Variants in BICRA observed in about 807,000 individuals in gnomAD.
The protein encoded by BICRA is BRD4-interacting chromatin-remodeling complex-associated protein.
In BICRA, 31 loss-of-function variants were observed where a neutral mutation model predicts 96.9. The observed-to-expected ratio is 0.32, with a 90% CI of 0.24 to 0.43. The LOEUF (loss-of-function observed/expected upper bound fraction) is 0.43, where lower values mean the gene tolerates loss of function less well. BICRA is among the 20% of genes least tolerant of loss of function. The probability of loss-of-function intolerance (pLI) is 1.00; values close to 1 mark genes in which losing one functional copy is unlikely to be tolerated. For missense variants in BICRA, 2,283 were observed against 2,190.3 expected, an observed-to-expected ratio of 1.04 and a Z score of -0.84; for synonymous variants, 1,350 against 1,071.8, an observed-to-expected ratio of 1.26 and a Z score of -5.07.
At chr19:47,619,717 A>G (rs538626588) in intron 1 of BICRA, among the ~76,000 whole-genome samples, 3 of 152,132 alleles carry the variant, frequency 2.0e-5, no homozygotes, top group Admixed American at 1.3e-4. Context: ...AGGCAACATA[A>G]TAAGACCCTA....
At chr19:47,645,595 G>T (rs1357871350) in intron 1 of BICRA, among the ~76,000 whole-genome samples, 1 of 152,218 alleles carries the variant, frequency 6.6e-6, no homozygotes, top group African/African-American at 2.4e-5. Context: ...AAAGAGGAAA[G>T]GGGAGGGAGC....
At chr19:47,649,241 C>T in intron 1 of BICRA, among the ~76,000 whole-genome samples, 1 of 152,160 alleles carries the variant, frequency 6.6e-6, no homozygotes, top group East Asian at 1.9e-4. Flanking sequence ...CCTGCCTTGG[C>T]CTCCCAAAGG....
At position 47,694,391 on chromosome 19, in the gene BICRA, GC is replaced by G; in HGVS notation, c.2564del (p.Pro855GlnfsTer92). 1 of 1,093,330 alleles carries G rather than the reference GC, an allele frequency of 9.1e-7. No homozygotes were observed. Among genetic ancestry groups the G allele is most frequent in the South Asian group, 1.3e-5 (1 of 74,714 alleles). 67.7% of individuals were successfully genotyped at this position (1,093,330 alleles called of 1,614,324 possible). ...PPPASNPAPT[A>X]PGPPQPPLRP... ...GCCTGCCAGCAACCCGGCCCCTACT[GC>G]CCCAGGCCCGCCGCAGCCGCCTCTC... is the stretch of plus-strand genomic sequence containing the variant. On this transcript the variant is annotated frameshift_variant, in exon 8 of 15. Coordinates refer to ENST00000594866, the MANE Select transcript of BICRA (RefSeq NM_001394372.1). LOFTEE classifies it high-confidence loss of function.
chr19:47,680,911 A>G lies in BICRA; in HGVS notation c.1741A>G (p.Thr581Ala). 4 of 1,484,256 alleles carry G rather than the reference A, an allele frequency of 2.7e-6. No homozygotes were observed. Among genetic ancestry groups the G allele is most frequent in the Non-Finnish European group, 3.5e-6 (4 of 1,129,444 alleles). 91.9% of individuals were successfully genotyped at this position (1,484,256 alleles called of 1,614,324 possible). ...AGCGCCCGCCGGGCCGGCCGCCACC[A>G]CTGTCCTCCAGGGGGTCACCCTGCC... is the stretch of plus-strand genomic sequence containing the variant. The part of the protein sequence containing the change: ...QPAPAGPAAT[T>A]VLQGVTLPPS... The change falls in exon 6 of 15, where the codon ACT (threonine) becomes GCT (alanine). Residue 581 changes from threonine to alanine, a missense_variant. Transcript: ENST00000594866.
rs1973052166 is a variant in BICRA, at chr19:47,681,237, C to T, written c.2067C>T (p.Ala689=). The change falls in exon 6 of 15, where the codon GCC becomes GCT. Residue 689 remains alanine (A), a synonymous_variant. Coordinates refer to ENST00000594866, the MANE Select transcript of BICRA (RefSeq NM_001394372.1). The part of the protein sequence containing the change: ...LGQPPSATPT[A]ILTQDSLQMF... ...AGCCGCCCTCTGCCACCCCCACGGC[C>T]ATCCTCACTCAGGACTCCCTGCAGA... 4 of 1,537,606 alleles carry T rather than the reference C, an allele frequency of 2.6e-6. No individual in the cohort carries two copies. The highest frequency in any genetic ancestry group is 3.5e-6 in the Non-Finnish European group (4 of 1,147,584).
rs768646880 is a variant in BICRA at position 47,680,184 on chromosome 19, G to C, written c.1014G>C (p.Pro338=). ...APGLGSSPLV[P]APNVILHRTP... ...GCCTCGGCTCGTCGCCACTGGTCCC[G>C]GCGCCCAACGTGATCCTGCATCGCA... The change falls in exon 6 of 15, where the codon CCG becomes CCC. Residue 338 remains proline, a synonymous_variant. Transcript: ENST00000594866. 6.5e-7 allele frequency: 1 copy of C among 1,541,980 alleles called. No individual in the cohort carries two copies. The highest frequency in any genetic ancestry group is 1.2e-5 in the South Asian group (1 of 84,398).
Position 47,669,113 on chromosome 19 carries a change from TAAATA to T in BICRA, c.-107-1310_-107-1306del, listed in dbSNP as rs772359104. 1.9e-3 allele frequency among the ~76,000 whole-genome samples: 287 copies of T among 151,376 alleles called. 2 individuals carry two copies. The highest frequency in any genetic ancestry group is 1.4e-3 in the East Asian group (7 of 5,162). ...AGCAAGACTCACACACACAAAAAAA[TAAATA>T]AAATAAAATAAAATAAAATGGCTAC... On this transcript the variant is annotated intron_variant, in intron 1 of 14. Transcript: ENST00000594866.
chr19:47,646,592 G>A (rs1002092094), intron 1 of BICRA, among the ~76,000 whole-genome samples: 1 of 152,116 alleles, frequency 6.6e-6, no homozygotes, highest in Admixed American at 6.6e-5. Context: ...CTCAGGTCAC[G>A]CACTTCACCC....
intron 1 of BICRA, among the ~76,000 whole-genome samples, chr19:47,664,504 T>C (rs1020478751): frequency 1.3e-5 from 2 of 152,152 alleles, no homozygotes; most frequent in African/African-American, 4.8e-5. Context: ...CATGGTGCGA[T>C]CTGGGGCAAG....
chr19:47,627,510 C>T (rs908998794), intron 1 of BICRA, among the ~76,000 whole-genome samples: 1 of 152,132 alleles, frequency 6.6e-6, no homozygotes, highest in Non-Finnish European at 1.5e-5. Context: ...ATGTGGGACC[C>T]CCCAGCAAGG....
intron 1 of BICRA, among the ~76,000 whole-genome samples, chr19:47,647,379 G>A (rs146553281): frequency 3.3e-4 from 50 of 152,140 alleles, no homozygotes; most frequent in African/African-American, 1.1e-3. Flanking sequence ...CCACGGCAGC[G>A]GCACCCTTGT....
chr19:47,610,929 C>T (rs572059646), intron 1 of BICRA, among the ~76,000 whole-genome samples: 6 of 152,222 alleles, frequency 3.9e-5, no homozygotes, highest in South Asian at 4.1e-4. Flanking sequence ...CATAGCTCCC[C>T]GCTCAAGATG....
At chr19:47,646,602 C>T (rs568809883) in intron 1 of BICRA, among the ~76,000 whole-genome samples, 4 of 152,256 alleles carry the variant, frequency 2.6e-5, no homozygotes, top group East Asian at 1.9e-4. Flanking sequence ...GCACTTCACC[C>T]GTATTAATTC....
At chr19:47,624,438 C>T (rs908159604) in intron 1 of BICRA, among the ~76,000 whole-genome samples, 3 of 152,220 alleles carry the variant, frequency 2.0e-5, no homozygotes, top group African/African-American at 4.8e-5. Context: ...ACAAAAGTTA[C>T]GTTTATACGA....
chr19:47,631,598 C>T (rs1277849234), intron 1 of BICRA, among the ~76,000 whole-genome samples: 1 of 152,166 alleles, frequency 6.6e-6, no homozygotes, highest in Non-Finnish European at 1.5e-5. Flanking sequence ...CTCCTGGCCT[C>T]AAGTGATCTT....
intron 5 of BICRA, chr19:47,679,083 A>AT (rs1022293811): frequency 2.4e-5 from 9 of 369,276 alleles, no homozygotes; most frequent in Middle Eastern, 6.9e-4. Flanking sequence ...CTTTTTTAAA[A>AT]TTTTTTTCTC....
chr19:47,661,498 C>T (rs1200233921), intron 1 of BICRA, among the ~76,000 whole-genome samples: 2 of 151,602 alleles, frequency 1.3e-5, no homozygotes, highest in African/African-American at 4.9e-5. Context: ...TTTCTATGGT[C>T]GTTTACACAT....
intron 1 of BICRA, among the ~76,000 whole-genome samples, chr19:47,629,776 G>C (rs1972193961): frequency 6.6e-6 from 1 of 152,108 alleles, no homozygotes; most frequent in Admixed American, 6.6e-5. Context: ...CTCTGCCTCA[G>C]CTTCCTGAGT....
At chr19:47,692,888 G>A (rs1015099873) in intron 7 of BICRA, among the ~76,000 whole-genome samples, 2 of 152,188 alleles carry the variant, frequency 1.3e-5, no homozygotes, top group African/African-American at 4.8e-5. Context: ...TGAGCCCTCT[G>A]AGCCTGAACT....
Sources: gnomAD v4.1 joint callset for allele counts (sites outside exome capture counted in the v4.1 genomes callset) on GRCh38, gnomAD v4.1.1 for gene constraint, MANE v1.5 for transcripts, NCBI Gene and HGNC (gene_info 2026-07-23, HGNC 2026-07-21) for gene names.